Variants in SIDT1 observed in about 807,000 individuals in gnomAD.
SIDT1 encodes the protein SID1 transmembrane family, member 1.
Under a neutral mutation model 107.5 loss-of-function variants are expected in SIDT1, and 101 were observed. The ratio of observed to expected loss-of-function variants is 0.94; its 90% CI spans 0.80 to 1.11. The LOEUF is 1.11. SIDT1 is among the 50% of genes least tolerant of loss of function. SIDT1 has a pLI of 0.00. For synonymous variants in SIDT1, 395 were observed against 398.2 expected (o/e 0.99, Z 0.10); for missense variants, 1,076 against 1,058.2 (o/e 1.02, Z -0.23).
At chr3:113,624,667 T>C (rs1946720375) in intron 23 of SIDT1, among the ~76,000 whole-genome samples, 1 of 152,182 alleles carries the variant, frequency 6.6e-6, no homozygotes, top group Non-Finnish European at 1.5e-5. Flanking sequence ...TGTATATTCT[T>C]TGGTTTTTCC....
intron 1 of SIDT1, among the ~76,000 whole-genome samples, chr3:113,539,886 C>T (rs1938610953): frequency 6.6e-6 from 1 of 152,054 alleles, no homozygotes; most frequent in Non-Finnish European, 1.5e-5. Context: ...TGCCTGTAAT[C>T]CCAGCTATTC....
chr3:113,561,061 G>A (rs1162983215), intron 1 of SIDT1, among the ~76,000 whole-genome samples: 1 of 152,188 alleles, frequency 6.6e-6, no homozygotes, highest in Non-Finnish European at 1.5e-5. Context: ...GCAACAAGAG[G>A]AAAAATCTTA....
chr3:113,585,682 A>G (rs901178144), intron 9 of SIDT1, among the ~76,000 whole-genome samples: 2 of 152,218 alleles, frequency 1.3e-5, no homozygotes, highest in African/African-American at 4.8e-5. Flanking sequence ...AGTAAATGTA[A>G]TGCCTAAAAT....
chr3:113,622,803 G>C (rs1946556336), intron 21 of SIDT1, among the ~76,000 whole-genome samples: 2 of 152,132 alleles, frequency 1.3e-5, no homozygotes, highest in African/African-American at 4.8e-5. Context: ...CAACAAAAGG[G>C]GAAAGATGAT....
intron 20 of SIDT1, among the ~76,000 whole-genome samples, chr3:113,617,656 G>C (rs996873886): frequency 1.3e-5 from 2 of 152,236 alleles, no homozygotes; most frequent in African/African-American, 4.8e-5. Context: ...CAGGACTTGT[G>C]AGTATTTTGA....
At chr3:113,592,017 A>T (rs766724570) in intron 9 of SIDT1, among the ~76,000 whole-genome samples, 1 of 152,224 alleles carries the variant, frequency 6.6e-6, no homozygotes, top group Non-Finnish European at 1.5e-5. Flanking sequence ...AAAACGTTAC[A>T]CTAAGTGAAA....
At chr3:113,603,219 T>C (rs751393497) in intron 12 of SIDT1, 69 bp downstream of exon 12, 1,014 of 1,461,804 alleles carry the variant, frequency 6.9e-4, no homozygotes, top group Non-Finnish European at 8.3e-4. Flanking sequence ...ACTTCAGCAA[T>C]ACCTCAGTTT....
In SIDT1 at chr3:113,562,365, G is replaced by A. The variant is rs930414865; in HGVS notation, c.223-4055G>A. Among the ~76,000 whole-genome samples, 24 of 152,240 alleles carry A rather than the reference G, an allele frequency of 1.6e-4. 1 individual carries two copies. Among genetic ancestry groups the A allele is most frequent in the African/African-American group, 5.8e-4 (24 of 41,536 alleles). ...ATGTCTCCCAGCAATTCTACTCATA[G>A]GCATATGCCCAAAAGAATTGAAAAT... On this transcript the variant is annotated intron_variant, in intron 1 of 24. Coordinates refer to ENST00000264852, the MANE Select transcript of SIDT1 (RefSeq NM_017699.3).
intron 9 of SIDT1, among the ~76,000 whole-genome samples, chr3:113,589,254 A>G (rs1332661758): frequency 6.6e-6 from 1 of 152,150 alleles, no homozygotes; most frequent in Non-Finnish European, 1.5e-5. Context: ...CACAGTCCTC[A>G]TTTGCTATTT....
intron 1 of SIDT1, among the ~76,000 whole-genome samples, chr3:113,543,966 C>G (rs1272026755): frequency 1.3e-5 from 2 of 152,140 alleles, no homozygotes; most frequent in South Asian, 4.1e-4. Flanking sequence ...TCTTATATAG[C>G]CATTGAACAG....
chr3:113,548,877 G>T (rs1038488485), intron 1 of SIDT1, among the ~76,000 whole-genome samples: 1 of 152,054 alleles, frequency 6.6e-6, no homozygotes, highest in African/African-American at 2.4e-5. Context: ...TTCCTCATGA[G>T]GATGTCCGTG....
chr3:113,617,287 T>G (rs1011016544), intron 20 of SIDT1, among the ~76,000 whole-genome samples: 1 of 152,242 alleles, frequency 6.6e-6, no homozygotes, highest in African/African-American at 2.4e-5. Context: ...TTGTGCTTAT[T>G]GCTTGATGGT....
At chr3:113,608,286 A>G (rs1945485098) in intron 16 of SIDT1, 69 bp downstream of exon 16, 9 of 1,549,932 alleles carry the variant, frequency 5.8e-6, no homozygotes, top group Non-Finnish European at 7.9e-6. Context: ...GGGGTGGGAC[A>G]TCTGGCTTAA....
intron 4 of SIDT1, among the ~76,000 whole-genome samples, chr3:113,578,994 T>C (rs1034112013): frequency 6.6e-6 from 1 of 152,254 alleles, no homozygotes; most frequent in African/African-American, 2.4e-5. Flanking sequence ...TTTTCACCTA[T>C]ATTTTGTATC....
At position 113,532,868 on chromosome 3, in the gene SIDT1, A is replaced by G. The variant is rs1431379773; in HGVS notation, c.-154A>G. 2 of 465,214 alleles carry G rather than the reference A, an allele frequency of 4.3e-6. No individual in the cohort carries two copies. The highest frequency in any genetic ancestry group is 3.7e-5 in the East Asian group (1 of 27,132). The allele number at this position is 465,214 out of a possible 1,614,324, so 28.8% of individuals were successfully genotyped here. A position where few individuals can be genotyped will look rare whatever the true frequency, so the allele number is the denominator to read the frequency against. On this transcript the variant is annotated 5_prime_UTR_variant, in exon 1 of 25. Transcript: ENST00000264852. ...AGTATTTGATCGGCCCTTCGTCAGC[A>G]CGCTGCCAGCCCTGGCCGGCTGGGT...
chr3:113,611,190 C>T (rs776288963), intron 18 of SIDT1, 46 bp downstream of exon 18: 16 of 1,595,752 alleles, frequency 1.0e-5, no homozygotes, highest in Non-Finnish European at 1.3e-5. Context: ...AAGTGCCCCC[C>T]TAGGTCCAAT....
intron 1 of SIDT1, among the ~76,000 whole-genome samples, chr3:113,560,561 CCAAACA>C (rs1941336675): frequency 1.3e-5 from 2 of 152,160 alleles, no homozygotes; most frequent in Admixed American, 6.5e-5. Flanking sequence ...GCGAACACAA[CCAAACA>C]CAGCACAGTT....
At chr3:113,567,889 G>GC in intron 3 of SIDT1, 179 bp downstream of exon 3, 1 of 586,620 alleles carries the variant, frequency 1.7e-6, no homozygotes, top group South Asian at 2.4e-5. Context: ...CTATACAAAA[G>GC]AGTGGGAGTG....
downstream of SIDT1, among the ~76,000 whole-genome samples, chr3:113,632,298 C>T (rs925537306): frequency 6.6e-6 from 1 of 152,142 alleles, no homozygotes; most frequent in Non-Finnish European, 1.5e-5. Context: ...TGAGTTATGA[C>T]TCTAGGTCCT....
Sources: gnomAD v4.1 joint callset for allele counts (sites outside exome capture counted in the v4.1 genomes callset) on GRCh38, gnomAD v4.1.1 for gene constraint, MANE v1.5 for transcripts, NCBI Gene and HGNC (gene_info 2026-07-23, HGNC 2026-07-21) for gene names.